Variants in BTBD9 observed in about 807,000 individuals in gnomAD.
The protein encoded by BTBD9 is BTB domain containing 9.
BTBD9 carries 49 observed loss-of-function variants against 64.3 expected under a neutral mutation model. The ratio of observed to expected loss-of-function variants is 0.76; its 90% CI spans 0.61 to 0.97. The LOEUF is 0.97. Among genes scored for constraint, BTBD9 ranks in the 50% least tolerant of loss-of-function variants. The probability of loss-of-function intolerance (pLI) is 0.00; values close to 1 mark genes in which losing one functional copy is unlikely to be tolerated. For synonymous variants in BTBD9, 260 were observed against 274.7 expected, an observed-to-expected ratio of 0.95 and a Z score of 0.53; for missense variants, 598 against 762.1, an observed-to-expected ratio of 0.78 and a Z score of 2.53.
At chr6:38,542,902 T>A (rs1774353309) in intron 6 of BTBD9, among the ~76,000 whole-genome samples, 1 of 152,170 alleles carries the variant, frequency 6.6e-6, no homozygotes, top group Admixed American at 6.5e-5. Flanking sequence ...AGCAAACGAG[T>A]TTGTGAACTA....
At chr6:38,544,471 A>G (rs1035006751) in intron 6 of BTBD9, among the ~76,000 whole-genome samples, 2 of 152,122 alleles carry the variant, frequency 1.3e-5, no homozygotes, top group Admixed American at 1.3e-4. Context: ...AATTTTAAAT[A>G]GAGTAGTCAG....
intron 6 of BTBD9, among the ~76,000 whole-genome samples, chr6:38,454,435 C>T (rs1252618207): frequency 6.7e-6 from 1 of 150,126 alleles, no homozygotes; most frequent in Admixed American, 6.7e-5. Flanking sequence ...GCATCATTAC[C>T]ATAATTAAAT....
At chr6:38,431,151 A>G (rs1768424541) in intron 6 of BTBD9, among the ~76,000 whole-genome samples, 1 of 151,678 alleles carries the variant, frequency 6.6e-6, no homozygotes, top group South Asian at 2.1e-4. Context: ...GGTTTTCAAT[A>G]CCCATCTGTA....
chr6:38,316,455 T>A (rs934955477), intron 7 of BTBD9, among the ~76,000 whole-genome samples: 63 of 152,302 alleles, frequency 4.1e-4, no homozygotes, highest in African/African-American at 1.4e-3. Flanking sequence ...ATTTTTTGTA[T>A]CTATTGTATG....
At chr6:38,465,753 A>ATATATATATGTATG (rs1554158495) in intron 6 of BTBD9, among the ~76,000 whole-genome samples, 8 of 39,730 alleles carry the variant, frequency 2.0e-4, no homozygotes, top group Admixed American at 3.2e-4. Context: ...ATATATATAT[A>ATATATATATGTATG]TATGTATGTA....
At chr6:38,207,404 TG>T in intron 9 of BTBD9, 1 of 171,492 alleles carries the variant, frequency 5.8e-6, no homozygotes, top group Non-Finnish European at 1.3e-5. Flanking sequence ...GGAGGACTGC[TG>T]GAGCCCAGGA....
chr6:38,415,419 A>G (rs1285804481), intron 6 of BTBD9, among the ~76,000 whole-genome samples: 1 of 152,166 alleles, frequency 6.6e-6, no homozygotes, highest in Non-Finnish European at 1.5e-5. Flanking sequence ...CTGGAAAAGC[A>G]AAGAAAATGC....
intron 6 of BTBD9, among the ~76,000 whole-genome samples, chr6:38,556,540 TGTGTGTGTGTGAGAGAGA>T (rs1258709054): frequency 5.9e-4 from 33 of 55,520 alleles, no homozygotes; most frequent in Non-Finnish European, 2.3e-4. Context: ...TGTGTGTGTG[TGTGTGTGTGTGAGAGAGA>T]GAGAGAGAGA....
rs67769669 is a variant in BTBD9 at position 38,466,283 on chromosome 6, C to CT, written c.1154+111316dup. Among the ~76,000 whole-genome samples the CT allele has an allele frequency of 1.0e-3, 44 of 44,084 alleles. 1 individual carries two copies. Among genetic ancestry groups the CT allele is most frequent in the South Asian group, 2.0e-3 (2 of 1,000 alleles). 28.9% of individuals were successfully genotyped at this position (44,084 alleles called of 152,430 possible). A position where few individuals can be genotyped will look rare whatever the true frequency, so the allele number is the denominator to read the frequency against. On this transcript the variant is annotated intron_variant, in intron 6 of 10. Coordinates refer to ENST00000481247, the MANE Select transcript of BTBD9 (RefSeq NM_001099272.2). Reference sequence around the variant, plus strand: ...AATCTGAGCTCCATGCTTCCTTTTCCTTTTTTTTTTTTTTTTTTTTTTTTT... The same window carrying CT: ...AATCTGAGCTCCATGCTTCCTTTTCCTTTTTTTTTTTTTTTTTTTTTTTTTT...
At chr6:38,425,115 CTTT>C (rs10717521) in intron 6 of BTBD9, among the ~76,000 whole-genome samples, 19 of 135,550 alleles carry the variant, frequency 1.4e-4, no homozygotes, top group East Asian at 2.2e-4. Context: ...CGTGCCCGGC[CTTT>C]TTTTTTTTTT....
At chr6:38,434,466 T>C (rs1334600183) in intron 6 of BTBD9, among the ~76,000 whole-genome samples, 1 of 151,910 alleles carries the variant, frequency 6.6e-6, no homozygotes, top group African/African-American at 2.4e-5. Context: ...CCGCTTTGAG[T>C]TGTCCCACCT....
At chr6:38,352,429 C>T (rs984835557) in intron 6 of BTBD9, among the ~76,000 whole-genome samples, 3 of 151,542 alleles carry the variant, frequency 2.0e-5, no homozygotes, top group African/African-American at 4.8e-5. Context: ...CATGAGGAAT[C>T]GGCCAGAAGC....
intron 9 of BTBD9, 27 bp from the exon 10 acceptor site, chr6:38,192,624 G>T: frequency 1.3e-6 from 2 of 1,597,362 alleles, no homozygotes; most frequent in African/African-American, 2.7e-5. Context: ...CCATTTGCCT[G>T]ATTAGATGGT....
intron 7 of BTBD9, among the ~76,000 whole-genome samples, chr6:38,340,288 T>C (rs1342819036): frequency 6.6e-6 from 1 of 152,148 alleles, no homozygotes; most frequent in Non-Finnish European, 1.5e-5. Flanking sequence ...CCAAATGTCA[T>C]TTTCCTCTAT....
intron 6 of BTBD9, among the ~76,000 whole-genome samples, chr6:38,406,408 G>A (rs767060461): frequency 6.6e-6 from 1 of 152,134 alleles, no homozygotes; most frequent in Non-Finnish European, 1.5e-5. Flanking sequence ...ACATCACACT[G>A]TAGAGGAATA....
chr6:38,513,906 C>T (rs542864430), intron 6 of BTBD9, among the ~76,000 whole-genome samples: 1 of 152,142 alleles, frequency 6.6e-6, no homozygotes, highest in African/African-American at 2.4e-5. Flanking sequence ...ACTGTAGAAA[C>T]AAATTGCCAG....
chr6:38,627,734 G>C (rs1203104271), intron 1 of BTBD9, among the ~76,000 whole-genome samples: 1 of 152,052 alleles, frequency 6.6e-6, no homozygotes, highest in African/African-American at 2.4e-5. Context: ...TCCTTAAAAA[G>C]TGATTTTTTT....
intron 7 of BTBD9, among the ~76,000 whole-genome samples, chr6:38,334,790 T>A (rs2127583824): frequency 6.6e-6 from 1 of 152,004 alleles, no homozygotes. Context: ...AAAAATTCAA[T>A]CCTGTAAAAT....
At chr6:38,467,630 G>A (rs186397051) in intron 6 of BTBD9, among the ~76,000 whole-genome samples, 1 of 152,242 alleles carries the variant, frequency 6.6e-6, no homozygotes, top group Admixed American at 6.5e-5. Flanking sequence ...ATTTTCACCT[G>A]CCTCTGGGAC....
Sources: gnomAD v4.1 joint callset for allele counts (sites outside exome capture counted in the v4.1 genomes callset) on GRCh38, gnomAD v4.1.1 for gene constraint, MANE v1.5 for transcripts, NCBI Gene and HGNC (gene_info 2026-07-23, HGNC 2026-07-21) for gene names.